ANKRD44: variants seen among roughly 807,000 people sequenced by gnomAD.
ANKRD44 encodes the protein serine/threonine-protein phosphatase 6 regulatory ankyrin repeat subunit B.
In ANKRD44, 35 loss-of-function variants were observed where a neutral mutation model predicts 116.0. The ratio of observed to expected loss-of-function variants is 0.30; its 90% confidence interval spans 0.23 to 0.40. The LOEUF (loss-of-function observed/expected upper bound fraction) is 0.40, where lower values mean the gene tolerates loss of function less well. ANKRD44 is among the 10% of genes least tolerant of loss of function. The pLI is 1.00. For synonymous variants in ANKRD44, 435 were observed against 461.8 expected (o/e 0.94, Z 0.74); for missense variants, 1,014 against 1,242.6 (o/e 0.82, Z 2.77).
intron 1 of ANKRD44, chr2:197,301,463 G>A (rs2083906661): frequency 6.6e-6 from 1 of 152,188 alleles, no homozygotes; most frequent in Non-Finnish European, 1.5e-5. Flanking sequence ...ATTACCTACA[G>A]TGCTAACCAT....
At position 197,001,613 on chromosome 2, in the gene ANKRD44, T is replaced by G; in HGVS notation, c.2435+140A>C. 5.1e-6 allele frequency: 3 copies of G among 590,476 alleles called. No homozygotes were observed. The South Asian group carries it at 7.4e-5, about 15-fold the overall frequency. 36.6% of individuals were successfully genotyped at this position (590,476 alleles called of 1,614,324 possible). ...AAATCATTAATATTTTGCTATCAGA[T>G]CTACTTGTCTTTAGCAGCAAAAATG... On this transcript the variant is annotated intron_variant, in intron 22 of 27. Transcript: ENST00000282272.
chr2:197,008,426 G>C (rs1248660555), intron 19 of ANKRD44, among the ~76,000 whole-genome samples: 2 of 152,242 alleles, frequency 1.3e-5, no homozygotes, highest in Admixed American at 1.3e-4. Context: ...CTATCACACT[G>C]ATTCACATGC....
intron 12 of ANKRD44, 109 bp downstream of exon 12, chr2:197,088,602 T>C: frequency 1.6e-6 from 1 of 629,628 alleles, no homozygotes; most frequent in Non-Finnish European, 2.5e-6. Context: ...TTAGTAGAAA[T>C]GATTCTTATT....
At chr2:197,273,196 G>T (rs952243963) in intron 1 of ANKRD44, among the ~76,000 whole-genome samples, 1 of 152,142 alleles carries the variant, frequency 6.6e-6, no homozygotes, top group Non-Finnish European at 1.5e-5. Flanking sequence ...GAAAGAAGTC[G>T]CAGAGTGAAA....
intron 2 of ANKRD44, among the ~76,000 whole-genome samples, chr2:197,171,852 T>C (rs993753788): frequency 6.6e-6 from 1 of 152,182 alleles, no homozygotes; most frequent in African/African-American, 2.4e-5. Flanking sequence ...AACCTAAAAC[T>C]GCTATAAAAA....
intron 1 of ANKRD44, among the ~76,000 whole-genome samples, chr2:197,244,060 C>T (rs1026496886): frequency 6.6e-6 from 1 of 152,212 alleles, no homozygotes; most frequent in Non-Finnish European, 1.5e-5. Flanking sequence ...ACACTCATCG[C>T]TGTCATCCAA....
At chr2:197,174,324 T>C (rs2125554416) in intron 2 of ANKRD44, among the ~76,000 whole-genome samples, 1 of 152,264 alleles carries the variant, frequency 6.6e-6, no homozygotes, top group South Asian at 2.1e-4. Context: ...ATTAAAAAGC[T>C]GTAACTAAGA....
At chr2:197,033,447 C>T (rs2076746127) in intron 16 of ANKRD44, among the ~76,000 whole-genome samples, 1 of 152,178 alleles carries the variant, frequency 6.6e-6, no homozygotes, top group African/African-American at 2.4e-5. Context: ...TTACATGAAT[C>T]ATCTCAATAA....
rs2076191577 is a variant in ANKRD44, at chr2:197,005,817, A to G, written c.2224T>C (p.Tyr742His). 2 of 1,614,188 alleles carry G rather than the reference A, an allele frequency of 1.2e-6. No homozygotes were observed. Among genetic ancestry groups the G allele is most frequent in the African/African-American group, 2.7e-5 (2 of 74,966 alleles). The change falls in exon 21 of 28, where the codon TAT becomes CAT. Residue 742 changes from tyrosine (Y) to histidine (H), a missense_variant. Coordinates refer to ENST00000282272, the MANE Select transcript of ANKRD44 (RefSeq NM_001195144.2). ...KDSRGRTPLH[Y>H]AAARGHATWL... The stretch of plus-strand genomic sequence containing the variant: ...GTGGCGTGGCCACGAGCAGCTGCAT[A>G]GTGCAAGGGCGTCCTCCCTCTGGAA...
At chr2:197,158,342 TGCTAA>T (rs1559112367) in intron 2 of ANKRD44, among the ~76,000 whole-genome samples, 1 of 152,252 alleles carries the variant, frequency 6.6e-6, no homozygotes, top group Non-Finnish European at 1.5e-5. Flanking sequence ...AATGTTTTAC[TGCTAA>T]GTGTATTTAA....
chr2:197,269,808 T>G (rs2082846946), intron 1 of ANKRD44, among the ~76,000 whole-genome samples: 1 of 152,084 alleles, frequency 6.6e-6, no homozygotes, highest in Admixed American at 6.5e-5. Flanking sequence ...TACAGGAGGC[T>G]TCGGAGAGAC....
chr2:197,127,816 C>A (rs182175259), intron 4 of ANKRD44, among the ~76,000 whole-genome samples: 83 of 152,216 alleles, frequency 5.5e-4, no homozygotes, highest in Middle Eastern at 3.4e-3. Context: ...TGGTGCTCTC[C>A]CTCCCTTCTC....
At position 197,005,852 on chromosome 2, in the gene ANKRD44, A is replaced by G; in HGVS notation, c.2189T>C (p.Leu730Pro). ...QMLLEQEVSI[L>P]CKDSRGRTPL... Reference sequence around the variant, plus strand: ...CGTCCTCCCTCTGGAATCTTTACAGAGAATTGACACTTCTTGTTCCAGCAG... The same window carrying G: ...CGTCCTCCCTCTGGAATCTTTACAGGGAATTGACACTTCTTGTTCCAGCAG... The change falls in exon 21 of 28, where the codon CTC (leucine) becomes CCC (proline). Residue 730 changes from leucine (L) to proline (P), a missense_variant. Coordinates refer to ENST00000282272, the MANE Select transcript of ANKRD44 (RefSeq NM_001195144.2). 6.2e-7 allele frequency: 1 copy of G among 1,614,290 alleles called. No individual in the cohort carries two copies. The highest frequency in any genetic ancestry group is 1.1e-5 in the South Asian group (1 of 91,090).
intron 9 of ANKRD44, among the ~76,000 whole-genome samples, chr2:197,104,980 T>C (rs1199412970): frequency 2.0e-5 from 3 of 152,214 alleles, no homozygotes; most frequent in Non-Finnish European, 4.4e-5. Context: ...TGCAACTTAA[T>C]AGCTGTTTAC....
intron 21 of ANKRD44, among the ~76,000 whole-genome samples, chr2:196,972,865 G>T (rs1012024778): frequency 8.5e-5 from 13 of 152,120 alleles, no homozygotes; most frequent in Non-Finnish European, 1.8e-4. Flanking sequence ...AATGTTAATG[G>T]ATATTGAAAT....
intron 16 of ANKRD44, among the ~76,000 whole-genome samples, chr2:197,067,246 A>G (rs576829064): frequency 6.6e-6 from 1 of 152,074 alleles, no homozygotes; most frequent in East Asian, 1.9e-4. Flanking sequence ...GAAAGCTGAA[A>G]CTGGATCCCT....
intron 1 of ANKRD44, among the ~76,000 whole-genome samples, chr2:197,188,852 T>C (rs1482186864): frequency 1.3e-5 from 2 of 152,140 alleles, no homozygotes; most frequent in Non-Finnish European, 2.9e-5. Flanking sequence ...TCACCGGAGA[T>C]GCCTATTAAA....
At chr2:197,240,729 G>C (rs2082074044) in intron 1 of ANKRD44, among the ~76,000 whole-genome samples, 1 of 145,942 alleles carries the variant, frequency 6.9e-6, no homozygotes, top group Non-Finnish European at 1.5e-5. Flanking sequence ...AGATTTTACT[G>C]TGAACAAAAG....
At chr2:197,194,376 T>C (rs555682736) in intron 1 of ANKRD44, among the ~76,000 whole-genome samples, 3 of 152,376 alleles carry the variant, frequency 2.0e-5, no homozygotes, top group South Asian at 2.1e-4. Flanking sequence ...GGACCTGAGA[T>C]TGTAATTTTA....
Sources: gnomAD v4.1 joint callset for allele counts (sites outside exome capture counted in the v4.1 genomes callset) on GRCh38, gnomAD v4.1.1 for gene constraint, MANE v1.5 for transcripts, NCBI Gene and HGNC (gene_info 2026-07-23, HGNC 2026-07-21) for gene names.